WDPCP: variants seen among roughly 807,000 people sequenced by gnomAD.
WDPCP encodes the protein WD repeat-containing and planar cell polarity effector protein fritz homolog.
In WDPCP, 71 loss-of-function variants were observed where a neutral mutation model predicts 93.1. The observed-to-expected ratio is 0.76, with a 90% CI of 0.63 to 0.93. The LOEUF (loss-of-function observed/expected upper bound fraction) is 0.93, where lower values mean the gene tolerates loss of function less well. Among genes scored for constraint, WDPCP ranks in the 40% least tolerant of loss-of-function variants. The pLI is 0.00. For missense variants in WDPCP, 844 were observed against 887.4 expected, an observed-to-expected ratio of 0.95 and a Z score of 0.62; for synonymous variants, 315 against 315.0, an observed-to-expected ratio of 1.00 and a Z score of 0.00.
intron 17 of WDPCP, among the ~76,000 whole-genome samples, chr2:63,129,691 T>A (rs1391925895): frequency 6.6e-6 from 1 of 152,208 alleles, no homozygotes; most frequent in South Asian, 2.1e-4. Context: ...TTATTATATA[T>A]GTGATTTGCA....
At chr2:63,605,936 C>G in intron 3 of WDPCP, 5 of 1,611,984 alleles carry the variant, frequency 3.1e-6, no homozygotes, top group Non-Finnish European at 4.2e-6. Context: ...TTGTTATTTT[C>G]AGGGAGAGTT....
intron 9 of WDPCP, 44 bp from the exon 10 acceptor site, chr2:63,404,701 T>C (rs758666248): frequency 1.2e-6 from 2 of 1,609,678 alleles, no homozygotes; most frequent in South Asian, 2.2e-5. Context: ...ACTTTGGTTT[T>C]TCTTCAACTT....
intron 6 of WDPCP, among the ~76,000 whole-genome samples, chr2:63,444,327 C>T (rs1697701341): frequency 6.6e-6 from 1 of 152,120 alleles, no homozygotes. Context: ...CTAATTAATG[C>T]ATTTTTATAA....
At chr2:63,649,500 C>T (rs890851126) in intron 3 of WDPCP, among the ~76,000 whole-genome samples, 1 of 152,098 alleles carries the variant, frequency 6.6e-6, no homozygotes, top group South Asian at 2.1e-4. Flanking sequence ...AATAGTGATG[C>T]TATAAACACA....
intron 17 of WDPCP, among the ~76,000 whole-genome samples, chr2:63,139,830 A>G (rs1670923542): frequency 6.6e-6 from 1 of 152,028 alleles, no homozygotes; most frequent in Non-Finnish European, 1.5e-5. Context: ...GGTCCCAGCT[A>G]TTTCTCTTTG....
chr2:63,610,726 C>G (rs1361110422), intron 3 of WDPCP, among the ~76,000 whole-genome samples: 1 of 152,110 alleles, frequency 6.6e-6, no homozygotes, highest in Non-Finnish European at 1.5e-5. Flanking sequence ...TGTAACCATC[C>G]CCTTTTGTAC....
chr2:63,493,021 A>G, intron 1 of WDPCP, 81 bp from the exon 2 acceptor site: 1 of 1,186,308 alleles, frequency 8.4e-7, no homozygotes, highest in Non-Finnish European at 1.2e-6. Flanking sequence ...AGAAATAGTA[A>G]AAAGAATCAT....
intron 2 of WDPCP, among the ~76,000 whole-genome samples, chr2:63,656,523 A>T (rs1477666798): frequency 6.6e-6 from 1 of 152,258 alleles, no homozygotes; most frequent in Admixed American, 6.5e-5. Context: ...AGACACACAA[A>T]CATTGGGATA....
At chr2:63,671,341 G>A (rs979458938) in intron 2 of WDPCP, among the ~76,000 whole-genome samples, 6 of 152,128 alleles carry the variant, frequency 3.9e-5, no homozygotes, top group African/African-American at 7.2e-5. Context: ...TCAGAGGCAC[G>A]GGAGTCTTCT....
At chr2:63,823,096 G>A (rs1279190158) in intron 1 of WDPCP, among the ~76,000 whole-genome samples, 1 of 141,892 alleles carries the variant, frequency 7.0e-6, no homozygotes, top group African/African-American at 2.6e-5. Flanking sequence ...TCTTGTTTTT[G>A]TTTTTTTCCT....
chr2:63,497,986 C>T (rs1025198629), intron 1 of WDPCP, among the ~76,000 whole-genome samples: 3 of 152,016 alleles, frequency 2.0e-5, no homozygotes, highest in Non-Finnish European at 4.4e-5. Flanking sequence ...TTGTACATTT[C>T]CCTGAGCAAT....
At chr2:63,720,185 G>A (rs941743350) in intron 2 of WDPCP, among the ~76,000 whole-genome samples, 11 of 152,122 alleles carry the variant, frequency 7.2e-5, no homozygotes, top group East Asian at 1.9e-4. Context: ...GGGAGGCTGA[G>A]GCGGGTGGAT....
chr2:63,585,749 A>C (rs1306546273), intron 1 of WDPCP, among the ~76,000 whole-genome samples: 1 of 152,142 alleles, frequency 6.6e-6, no homozygotes, highest in East Asian at 1.9e-4. Flanking sequence ...TCATTAAAGA[A>C]AACATTAAGA....
At position 63,326,018 on chromosome 2, in the gene WDPCP, G is replaced by A. The variant is rs373873736; in HGVS notation, c.1749-12707C>T. ...CTCACTGTTTACAGGTAGTTGCAGC[G>A]GTGGCTGTCTTAGTGTCAGAGGCTA... On this transcript the variant is annotated intron_variant, in intron 12 of 17. Coordinates refer to ENST00000272321, the MANE Select transcript of WDPCP (RefSeq NM_015910.7). Among the ~76,000 whole-genome samples the A allele has an allele frequency of 9.8e-5, 15 of 152,292 alleles. No homozygotes were observed. The East Asian group carries it at 2.5e-3, about 25-fold the overall frequency.
chr2:63,668,641 A>G (rs914678417), intron 2 of WDPCP, among the ~76,000 whole-genome samples: 5 of 152,208 alleles, frequency 3.3e-5, no homozygotes, highest in Non-Finnish European at 7.3e-5. Flanking sequence ...CAGTCCCACA[A>G]ATGGGGTGAG....
chr2:63,370,768 A>T, intron 12 of WDPCP, among the ~76,000 whole-genome samples: 1 of 151,004 alleles, frequency 6.6e-6, no homozygotes, highest in East Asian at 1.9e-4. Context: ...AGTTTTCCCC[A>T]TTTTTCATGT....
upstream of WDPCP, chr2:63,588,762 T>G (rs928623594): frequency 5.8e-6 from 3 of 520,862 alleles, no homozygotes; most frequent in African/African-American, 5.8e-5. Flanking sequence ...CAGGGGCTCA[T>G]CCTCAGGGAC....
intron 3 of WDPCP, among the ~76,000 whole-genome samples, chr2:63,628,284 G>GA (rs949203117): frequency 4.0e-5 from 6 of 151,716 alleles, no homozygotes; most frequent in Admixed American, 1.3e-4. Context: ...TTTCTCAATA[G>GA]AAAAAAATGC....
chr2:63,336,789 G>T (rs1688401465), intron 12 of WDPCP, among the ~76,000 whole-genome samples: 1 of 150,924 alleles, frequency 6.6e-6, no homozygotes, highest in African/African-American at 2.4e-5. Flanking sequence ...GTACAGTTCA[G>T]TGCTAATAAA....
Sources: allele counts gnomAD v4.1 joint callset (sites outside exome capture counted in the v4.1 genomes callset), GRCh38; gene constraint gnomAD v4.1.1; transcripts MANE v1.5; gene names NCBI Gene and HGNC (gene_info 2026-07-23, HGNC 2026-07-21).